GPC5: variants seen among roughly 807,000 people sequenced by gnomAD.
GPC5 encodes glypican-5.
Under a neutral mutation model 53.9 loss-of-function variants are expected in GPC5, and 47 were observed. The ratio of observed to expected loss-of-function variants is 0.87; its 90% CI spans 0.69 to 1.11. GPC5 has a LOEUF of 1.11. Among genes scored for constraint, GPC5 ranks in the 50% most tolerant of loss-of-function variants. The pLI, the probability that GPC5 is intolerant of heterozygous loss-of-function variation, is 0.00. For missense variants in GPC5, 748 were observed against 713.1 expected (o/e 1.05, Z -0.56); for synonymous variants, 286 against 263.3 (o/e 1.09, Z -0.84).
chr13:91,933,825 A>G (rs1182942295), intron 6 of GPC5, among the ~76,000 whole-genome samples: 2 of 151,952 alleles, frequency 1.3e-5, no homozygotes, highest in Non-Finnish European at 1.5e-5. Context: ...TTGATGTATA[A>G]CTACCATGAT....
intron 2 of GPC5, among the ~76,000 whole-genome samples, chr13:91,482,626 G>A (rs978333032): frequency 3.3e-4 from 50 of 152,284 alleles, no homozygotes; most frequent in Non-Finnish European, 6.2e-4. Flanking sequence ...CATTAAAGCA[G>A]GAGAACCAGT....
At chr13:92,626,757 A>T (rs1392372652) in intron 7 of GPC5, among the ~76,000 whole-genome samples, 1 of 152,182 alleles carries the variant, frequency 6.6e-6, no homozygotes, top group African/African-American at 2.4e-5. Context: ...TGGAAAGAAG[A>T]TAGGAGTAAA....
At chr13:91,743,489 A>G (rs1423777116) in intron 4 of GPC5, among the ~76,000 whole-genome samples, 1 of 152,174 alleles carries the variant, frequency 6.6e-6, no homozygotes, top group East Asian at 1.9e-4. Context: ...TTTTCATGGT[A>G]AAGAACCTTT....
At chr13:91,992,410 G>GA (rs1481580311) in intron 6 of GPC5, among the ~76,000 whole-genome samples, 3 of 150,656 alleles carry the variant, frequency 2.0e-5, no homozygotes, top group South Asian at 2.1e-4. Context: ...CATTTATTAT[G>GA]AAAAAAATTT....
At chr13:92,079,226 A>G (rs2041276126) in intron 6 of GPC5, among the ~76,000 whole-genome samples, 2 of 151,814 alleles carry the variant, frequency 1.3e-5, no homozygotes, top group East Asian at 1.9e-4. Flanking sequence ...TAATTTTTGT[A>G]TTTTTAGTAG....
rs192936892 is a variant in GPC5 at position 91,860,690 on chromosome 13, C to T, written c.1281-47247C>T. Among the ~76,000 whole-genome samples, 412 of 151,842 alleles carry T rather than the reference C, an allele frequency of 2.7e-3. 16 individuals are homozygous for T. In the South Asian group the frequency reaches 0.067, roughly 25 times the overall value. On this transcript the variant is annotated intron_variant, in intron 5 of 7. Transcript: ENST00000377067. ...CCAATTTTTATATTTTTAGTAGAGGCGGGGTTTCACCGTGTTGACCAGGTT... is the reference window on the plus strand; with the variant it reads ...CCAATTTTTATATTTTTAGTAGAGGTGGGGTTTCACCGTGTTGACCAGGTT...
chr13:92,460,140 A>C (rs2139408833), intron 7 of GPC5, among the ~76,000 whole-genome samples: 1 of 152,286 alleles, frequency 6.6e-6, no homozygotes, highest in South Asian at 2.1e-4. Context: ...ACATGCCATA[A>C]AAATAAAAAA....
At chr13:91,825,572 G>A (rs1375077870) in intron 5 of GPC5, among the ~76,000 whole-genome samples, 2 of 152,064 alleles carry the variant, frequency 1.3e-5, no homozygotes, top group African/African-American at 4.8e-5. Flanking sequence ...GGAAAATATA[G>A]AACAGCTATG....
chr13:92,724,101 T>C (rs1888573758), intron 7 of GPC5, among the ~76,000 whole-genome samples: 1 of 151,582 alleles, frequency 6.6e-6, no homozygotes. Context: ...TTTCATCTTA[T>C]GGAAAAACAT....
chr13:92,368,504 C>A (rs1360254635), intron 7 of GPC5, among the ~76,000 whole-genome samples: 1 of 150,994 alleles, frequency 6.6e-6, no homozygotes, highest in African/African-American at 2.4e-5. Flanking sequence ...ATTAGCCCGG[C>A]ATTGTGGCAG....
At chr13:92,124,217 T>C (rs190608804) in intron 6 of GPC5, among the ~76,000 whole-genome samples, 3 of 124,130 alleles carry the variant, frequency 2.4e-5, no homozygotes, top group Admixed American at 2.0e-4. Flanking sequence ...GCCAGAATTA[T>C]CAGCCCTCCC....
intron 2 of GPC5, among the ~76,000 whole-genome samples, chr13:91,519,467 G>A (rs1885686214): frequency 6.6e-6 from 1 of 152,098 alleles, no homozygotes; most frequent in South Asian, 2.1e-4. Context: ...TCTCATGAGA[G>A]TGAGTGAGTT....
At chr13:91,751,233 T>C (rs1440491684) in intron 4 of GPC5, among the ~76,000 whole-genome samples, 1 of 152,224 alleles carries the variant, frequency 6.6e-6, no homozygotes, top group Non-Finnish European at 1.5e-5. Context: ...TCTTCCCTTA[T>C]TTTAGCCTCA....
At position 91,876,621 on chromosome 13, in the gene GPC5, G is replaced by T. The variant is rs537272138; in HGVS notation, c.1281-31316G>T. 5.3e-5 allele frequency among the ~76,000 whole-genome samples: 8 copies of T among 152,278 alleles called. No homozygotes were observed. In the South Asian group the frequency reaches 1.0e-3, roughly 20 times the overall value. ...CAGCAAAGCATTCAAGATGTGACTC[G>T]GATGCTGTCAAAGGCATTCAGTTTT... On this transcript the variant is annotated intron_variant, in intron 5 of 7. Coordinates refer to ENST00000377067, the MANE Select transcript of GPC5 (RefSeq NM_004466.6).
chr13:92,297,958 G>A (rs1271409536), intron 7 of GPC5, among the ~76,000 whole-genome samples: 1 of 152,012 alleles, frequency 6.6e-6, no homozygotes, highest in African/African-American at 2.4e-5. Flanking sequence ...CTCCAGATGT[G>A]CCACCTTAAG....
chr13:92,655,286 G>T (rs1419831569), intron 7 of GPC5, among the ~76,000 whole-genome samples: 1 of 146,658 alleles, frequency 6.8e-6, no homozygotes, highest in Non-Finnish European at 1.5e-5. Context: ...TGGAAATGAA[G>T]AGTTGATTGC....
At chr13:92,632,183 C>T (rs959169763) in intron 7 of GPC5, among the ~76,000 whole-genome samples, 2 of 152,050 alleles carry the variant, frequency 1.3e-5, no homozygotes, top group Non-Finnish European at 2.9e-5. Context: ...ATGCCCTTTT[C>T]TCTATGTAGC....
chr13:92,227,759 T>G lies in GPC5; in HGVS notation c.1561+82770T>G, dbSNP rs576160758. ...TATAACTTAATTTTTTTCTTAATTT[T>G]TAATGCTTGTGGCTAATAATTGTAT... On this transcript the variant is annotated intron_variant, in intron 7 of 7. Transcript: ENST00000377067. Among the ~76,000 whole-genome samples, 9 of 152,280 alleles carry G rather than the reference T, an allele frequency of 5.9e-5. No individual in the cohort carries two copies. The East Asian group carries it at 1.7e-3, about 29-fold the overall frequency.
At chr13:91,750,016 G>C (rs1342088660) in intron 4 of GPC5, among the ~76,000 whole-genome samples, 1 of 152,122 alleles carries the variant, frequency 6.6e-6, no homozygotes, top group African/African-American at 2.4e-5. Context: ...AGCCATGTTG[G>C]CCAGGCTGAT....
Sources: allele counts gnomAD v4.1 joint callset (sites outside exome capture counted in the v4.1 genomes callset), GRCh38; gene constraint gnomAD v4.1.1; transcripts MANE v1.5; gene names NCBI Gene and HGNC (gene_info 2026-07-23, HGNC 2026-07-21).